Variants in TMEM161B observed in about 807,000 individuals in gnomAD.
TMEM161B encodes transmembrane protein 161B.
In TMEM161B, 34 loss-of-function variants were observed where a neutral mutation model predicts 61.8. That is an observed-to-expected ratio of 0.55 (90% CI 0.42 to 0.73). The LOEUF is 0.73. Ranked by LOEUF, TMEM161B falls within the 30% of genes least tolerant of loss-of-function variation. The pLI, the probability that TMEM161B is intolerant of heterozygous loss-of-function variation, is 0.00. For missense variants in TMEM161B, 456 were observed against 558.5 expected, an observed-to-expected ratio of 0.82 and a Z score of 1.85; for synonymous variants, 167 against 192.8, an observed-to-expected ratio of 0.87 and a Z score of 1.11.
intron 3 of TMEM161B, among the ~76,000 whole-genome samples, chr5:88,228,224 A>G (rs990175075): frequency 6.6e-6 from 1 of 152,138 alleles, no homozygotes. Context: ...TATGATGGCT[A>G]TATTGTTTTC....
At chr5:88,209,164 C>T (rs1746189369) in intron 5 of TMEM161B, among the ~76,000 whole-genome samples, 1 of 152,104 alleles carries the variant, frequency 6.6e-6, no homozygotes, top group African/African-American at 2.4e-5. Flanking sequence ...CAGGTCCATC[C>T]ATCTCTTTCT....
chr5:88,218,691 A>T (rs1318574199), intron 5 of TMEM161B, among the ~76,000 whole-genome samples: 1 of 152,220 alleles, frequency 6.6e-6, no homozygotes. Context: ...CTGTCTCAAA[A>T]GAAAAAGAAA....
chr5:88,187,392 G>GAATTTATATAACATTTGTGTT (rs368290870), downstream of TMEM161B, among the ~76,000 whole-genome samples: 3 of 152,084 alleles, frequency 2.0e-5, no homozygotes, highest in African/African-American at 7.2e-5. Flanking sequence ...GGATTGTGTT[G>GAATTTATATAACATTTGTGTT]AATTTATATA....
downstream of TMEM161B, among the ~76,000 whole-genome samples, chr5:88,192,893 G>A (rs1026788895): frequency 7.9e-5 from 12 of 152,140 alleles, no homozygotes; most frequent in Non-Finnish European, 1.2e-4. Context: ...ATCCAGTGAA[G>A]TTCCAATTAT....
downstream of TMEM161B, among the ~76,000 whole-genome samples, chr5:88,190,412 G>A (rs939254635): frequency 6.6e-6 from 1 of 152,162 alleles, no homozygotes; most frequent in African/African-American, 2.4e-5. Flanking sequence ...CCTAGCAGCT[G>A]TGGCACAGCT....
chr5:88,240,945 A>C, intron 1 of TMEM161B, 29 bp from the exon 2 acceptor site: 1 of 1,461,634 alleles, frequency 6.8e-7, no homozygotes, highest in Non-Finnish European at 9.2e-7. Flanking sequence ...CAAATTTAAT[A>C]ATGAATGATT....
chr5:88,265,325 C>T (rs960220028), intron 1 of TMEM161B, among the ~76,000 whole-genome samples: 27 of 152,146 alleles, frequency 1.8e-4, no homozygotes, highest in African/African-American at 6.5e-4. Flanking sequence ...GATTTTTTCA[C>T]ACATTGTGGA....
At chr5:88,238,782 TA>T (rs1752270842) in intron 2 of TMEM161B, among the ~76,000 whole-genome samples, 1 of 151,974 alleles carries the variant, frequency 6.6e-6, no homozygotes, top group African/African-American at 2.4e-5. Context: ...GCCAAAAGGA[TA>T]AAATCAATAA....
chr5:88,224,959 G>GTTTTTTTTTTTTTT (rs202011902), intron 4 of TMEM161B, among the ~76,000 whole-genome samples: 4 of 101,202 alleles, frequency 4.0e-5, no homozygotes, highest in African/African-American at 7.7e-5. Flanking sequence ...CACAAAATAT[G>GTTTTTTTTTTTTTT]TTTTTGTTTT....
intron 9 of TMEM161B, chr5:88,200,811 A>G (rs1424396139): frequency 6.6e-6 from 1 of 152,072 alleles, no homozygotes; most frequent in Non-Finnish European, 1.5e-5. Context: ...ATGAGCACAC[A>G]TGGACTCTGT....
intron 2 of TMEM161B, among the ~76,000 whole-genome samples, chr5:88,230,932 C>T (rs1354218023): frequency 1.3e-5 from 2 of 152,110 alleles, no homozygotes; most frequent in Non-Finnish European, 2.9e-5. Flanking sequence ...CTTTCAGGAA[C>T]TTGACCTCCA....
chr5:88,218,077 A>C (rs533054306), intron 5 of TMEM161B, among the ~76,000 whole-genome samples: 2 of 152,150 alleles, frequency 1.3e-5, no homozygotes, highest in Non-Finnish European at 2.9e-5. Context: ...AAACTCAATA[A>C]AAGATTAAGA....
In TMEM161B at chr5:88,197,778, A is replaced by G. The variant is rs547796730; in HGVS notation, c.1090-13T>C. The G allele has an allele frequency of 2.7e-5, 43 of 1,609,788 alleles. 2 individuals are homozygous for G. The South Asian group carries it at 4.6e-4, about 17-fold the overall frequency. ...AGACTCGAGCCACCTGCAACCAACA[A>G]CATTCTTAAGTGTCTAATGCAACTG... On this transcript the variant is annotated splice_polypyrimidine_tract_variant and intron_variant, in intron 10 of 11. Transcript: ENST00000296595.
intron 1 of TMEM161B, among the ~76,000 whole-genome samples, chr5:88,260,400 C>A (rs187853604): frequency 6.6e-6 from 1 of 152,184 alleles, no homozygotes; most frequent in African/African-American, 2.4e-5. Flanking sequence ...TTCAAGCACA[C>A]TTTCAATGCC....
chr5:88,262,806 T>C (rs941191348), intron 1 of TMEM161B, among the ~76,000 whole-genome samples: 5 of 151,374 alleles, frequency 3.3e-5, no homozygotes, highest in Non-Finnish European at 5.9e-5. Context: ...AGGATGTTGA[T>C]AATAGTAGAG....
chr5:88,267,617 G>A (rs1357737698), intron 1 of TMEM161B, among the ~76,000 whole-genome samples: 2 of 152,052 alleles, frequency 1.3e-5, no homozygotes, highest in Non-Finnish European at 2.9e-5. Context: ...CCAGAGCCCC[G>A]TGATCTTGAA....
chr5:88,249,104 GTC>G (rs772289886), intron 1 of TMEM161B, among the ~76,000 whole-genome samples: 4 of 152,128 alleles, frequency 2.6e-5, no homozygotes, highest in African/African-American at 4.8e-5. Flanking sequence ...ATTCTCCAGA[GTC>G]TCAGTTTCCC....
chr5:88,220,489 T>C (rs766006861), intron 5 of TMEM161B, 74 bp downstream of exon 5: 61 of 1,210,622 alleles, frequency 5.0e-5, no homozygotes, highest in Non-Finnish European at 6.6e-5. Flanking sequence ...CATAAAATCT[T>C]TCTCAAATCA....
rs534304431 is a variant in TMEM161B, at chr5:88,267,906, G to A, written c.3+815C>T. ...CTCTTCTCTCGGGTACCTGAATTTT[G>A]TCCTTCCCTCAGTCTGAAACAACAT... On this transcript the variant is annotated intron_variant, in intron 1 of 11. Coordinates refer to ENST00000296595, the MANE Select transcript of TMEM161B (RefSeq NM_153354.5). Among the ~76,000 whole-genome samples the A allele has an allele frequency of 2.6e-5, 4 of 152,158 alleles. No homozygotes were observed. In the South Asian group the frequency reaches 8.3e-4, roughly 32 times the overall value.
Sources: allele counts gnomAD v4.1 joint callset (sites outside exome capture counted in the v4.1 genomes callset), GRCh38; gene constraint gnomAD v4.1.1; transcripts MANE v1.5; gene names NCBI Gene and HGNC (gene_info 2026-07-23, HGNC 2026-07-21).